The following ARHGAP35 variants were observed in gnomAD, a reference collection of about 807,000 sequenced individuals.
The protein encoded by ARHGAP35 is Rho GTPase activating protein 35, also known as rho GTPase-activating protein 35.
ARHGAP35 carries 15 observed loss-of-function variants against 111.1 expected under a neutral mutation model. The observed-to-expected ratio is 0.13, with a 90% CI of 0.09 to 0.21. ARHGAP35 has a LOEUF of 0.21. Ranked by LOEUF, ARHGAP35 falls within the 10% of genes least tolerant of loss-of-function variation. The pLI, the probability that ARHGAP35 is intolerant of heterozygous loss-of-function variation, is 1.00. For synonymous variants in ARHGAP35, 643 were observed against 710.3 expected (o/e 0.91, Z 1.51); for missense variants, 1,262 against 1,873.0 (o/e 0.67, Z 6.02).
intron 3 of ARHGAP35, among the ~76,000 whole-genome samples, chr19:46,978,896 G>GGTGTGTGTGGTGGGGT (rs1389982586): frequency 8.5e-6 from 1 of 117,992 alleles, no homozygotes; most frequent in African/African-American, 3.2e-5. Flanking sequence ...GTGGTGTGGG[G>GGTGTGTGTGGTGGGGT]GTGTGTGTGG....
rs367587187 is a variant in ARHGAP35 at position 46,919,200 on chromosome 19, T to C, written c.525T>C (p.Asp175=). 59 of 1,613,850 alleles carry C rather than the reference T, an allele frequency of 3.7e-5. No homozygotes were observed. The African/African-American group carries it at 6.5e-4, about 18-fold the overall frequency. Residue 175 remains aspartate (D), a synonymous_variant, in exon 2 of 7, where the codon GAT becomes GAC. Transcript: ENST00000672722. This position sits in a 1 kb window ranked among gnomAD's most constrained non-coding sequence, Gnocchi z 6.2. ...DVSRGMNRNF[D]DQLKFVSNLY... is the part of the protein sequence containing the mutation. ...GCAGGGGCATGAATAGGAACTTTGA[T>C]GACCAGCTCAAGTTTGTCTCCAATC...
In ARHGAP35 at chr19:46,918,787, T is replaced by A. The variant is rs370199472; in HGVS notation, c.112T>A (p.Leu38Met). The change falls in exon 2 of 7, where the codon TTG becomes ATG. Residue 38 changes from leucine to methionine, a missense_variant. Physicochemically the swap from Leu to Met is conservative, Grantham distance 15. Coordinates refer to ENST00000672722, the MANE Select transcript of ARHGAP35 (RefSeq NM_004491.5). The surrounding 1 kb of genome is among the most constrained non-coding windows in gnomAD (Gnocchi z 5.4). ...CCAGTGTGGGATTGGAAAGTCTTGT[T>A]TGTGCAACCGCTTCGTGCGCCCGAG... ...KGQCGIGKSCLCNRFVRPSAD... is the reference protein window; with the variant it reads ...KGQCGIGKSCMCNRFVRPSAD... The A allele has an allele frequency of 6.2e-7, 1 of 1,613,914 alleles. No individual in the cohort carries two copies. The highest frequency in any genetic ancestry group is 8.5e-7 in the Non-Finnish European group (1 of 1,179,898).
Position 46,986,821 on chromosome 19 carries a change from TTTTATTTA to T in ARHGAP35, c.3827-1152_3827-1145del, listed in dbSNP as rs796813658. Among the ~76,000 whole-genome samples the T allele has an allele frequency of 6.6e-6, 1 of 152,206 alleles. No individual in the cohort carries two copies. The highest frequency in any genetic ancestry group is 2.4e-5 in the African/African-American group (1 of 41,446). ...TCAAAAAAACATACTTGTGAGTTAA[TTTTATTTA>T]TTTATTTATTTATTTTCAGACAGAG... On this transcript the variant is annotated intron_variant, in intron 3 of 6. Coordinates refer to ENST00000672722, the MANE Select transcript of ARHGAP35 (RefSeq NM_004491.5). The surrounding 1 kb of genome is among the most constrained non-coding windows in gnomAD (Gnocchi z 4.3).
chr19:46,965,142 G>T (rs1469906136), intron 3 of ARHGAP35, among the ~76,000 whole-genome samples: 1 of 152,034 alleles, frequency 6.6e-6, no homozygotes, highest in South Asian at 2.1e-4. Context: ...GTGAAACCCC[G>T]TCTCTACTAA....
At chr19:46,917,039 A>G (rs1312273908) in intron 1 of ARHGAP35, among the ~76,000 whole-genome samples, 3 of 152,056 alleles carry the variant, frequency 2.0e-5, no homozygotes, top group Admixed American at 1.3e-4. Flanking sequence ...TTAACTATAC[A>G]GTTCAGCGAT....
intron 1 of ARHGAP35, among the ~76,000 whole-genome samples, chr19:46,897,531 T>TA (rs1405993178): frequency 6.6e-6 from 1 of 151,978 alleles, no homozygotes. Context: ...AGTTAAGACT[T>TA]AGAGATTTGT....
intron 3 of ARHGAP35, among the ~76,000 whole-genome samples, chr19:46,975,437 CAG>C (rs947982894): frequency 5.9e-5 from 9 of 152,106 alleles, no homozygotes; most frequent in African/African-American, 2.2e-4. Flanking sequence ...GCTGGGAGCT[CAG>C]GGGCCAGTGT....
intron 1 of ARHGAP35, among the ~76,000 whole-genome samples, chr19:46,865,942 G>A (rs1410014166): frequency 6.6e-6 from 1 of 152,164 alleles, no homozygotes; most frequent in Non-Finnish European, 1.5e-5. Flanking sequence ...CTGGGTTCAA[G>A]CGATTCTTCT....
chr19:46,937,434 T>G, intron 3 of ARHGAP35, 26 bp downstream of exon 3: 1 of 1,612,208 alleles, frequency 6.2e-7, no homozygotes, highest in Non-Finnish European at 8.5e-7. Context: ...CATAGCAGTT[T>G]ATAACTTTCA....
chr19:46,962,275 TG>T (rs1228525718), intron 3 of ARHGAP35, among the ~76,000 whole-genome samples: 3 of 152,240 alleles, frequency 2.0e-5, no homozygotes, highest in Non-Finnish European at 1.5e-5. Flanking sequence ...GATTCCCCAC[TG>T]TCTTGCCATA....
chr19:46,877,571 A>C (rs550262718), intron 1 of ARHGAP35, among the ~76,000 whole-genome samples: 11 of 150,510 alleles, frequency 7.3e-5, no homozygotes, highest in African/African-American at 2.8e-4. Context: ...GTCTCAAAAA[A>C]TAACAATAAA....
At chr19:46,964,002 G>C (rs2056499481) in intron 3 of ARHGAP35, among the ~76,000 whole-genome samples, 1 of 151,838 alleles carries the variant, frequency 6.6e-6, no homozygotes, top group Non-Finnish European at 1.5e-5. Context: ...CGAGTAGCTG[G>C]GATTACAGGT....
chr19:46,901,694 T>C lies in ARHGAP35; in HGVS notation c.-188-16794T>C, dbSNP rs1449378200. Among the ~76,000 whole-genome samples the C allele has an allele frequency of 6.6e-6, 1 of 152,218 alleles. No individual in the cohort carries two copies. The highest frequency in any genetic ancestry group is 2.4e-5 in the African/African-American group (1 of 41,464). ...ATTCCCTGGCAGCAGATACGTTGGC[T>C]TTCTCAGCTGTTGAATTTGAGTGCC... is the stretch of plus-strand genomic sequence containing the variant. On this transcript the variant is annotated intron_variant, in intron 1 of 6. Coordinates refer to ENST00000672722, the MANE Select transcript of ARHGAP35 (RefSeq NM_004491.5). The surrounding 1 kb of genome is among the most constrained non-coding windows in gnomAD (Gnocchi z 4.5).
In ARHGAP35 at chr19:46,988,172, A is replaced by G; in HGVS notation, c.3904+106A>G. 9.5e-7 allele frequency: 1 copy of G among 1,056,066 alleles called. No homozygotes were observed. The highest frequency in any genetic ancestry group is 2.6e-5 in the East Asian group (1 of 38,366). The allele number at this position is 1,056,066 out of a possible 1,614,324, so 65.4% of individuals were successfully genotyped here. A position where few individuals can be genotyped will look rare whatever the true frequency, so the allele number is the denominator to read the frequency against. On this transcript the variant is annotated intron_variant, in intron 4 of 6. Transcript: ENST00000672722. The surrounding 1 kb of genome is among the most constrained non-coding windows in gnomAD (Gnocchi z 5.4). ...CTTCGGAGCACTCCTGCCAGCACAG[A>G]CCCAAAGCCACGAGGTGCTGAGACT...
chr19:46,913,427 T>C (rs2056148343), intron 1 of ARHGAP35, among the ~76,000 whole-genome samples: 1 of 152,006 alleles, frequency 6.6e-6, no homozygotes, highest in Admixed American at 6.6e-5. Flanking sequence ...TGTTACCACT[T>C]CTTGCCCTGA....
rs1001389370 is a variant in ARHGAP35, at chr19:46,918,007, C to G, written c.-188-481C>G. Among the ~76,000 whole-genome samples the G allele has an allele frequency of 1.4e-4, 22 of 152,344 alleles. No individual in the cohort carries two copies. The highest frequency in any genetic ancestry group is 4.8e-4 in the African/African-American group (20 of 41,590). On this transcript the variant is annotated intron_variant, in intron 1 of 6. Transcript: ENST00000672722. The surrounding 1 kb of genome is among the most constrained non-coding windows in gnomAD (Gnocchi z 5.4). ...GGGATTACAGGCGTAAGCTACCACG[C>G]CCGGCCCAGGTTCCTGTTTTTGCAG...
chr19:46,989,471 T>C lies in ARHGAP35; in HGVS notation c.3905-73T>C, dbSNP rs545706443. 3 of 1,588,758 alleles carry C rather than the reference T, an allele frequency of 1.9e-6. No homozygotes were observed. The highest frequency in any genetic ancestry group is 2.7e-5 in the African/African-American group (2 of 74,278). ...TCCTTGAGGTTTCTCTAGCCTCTCC[T>C]GAGCCCCGAGTTGTCCTGATGCTTC... On this transcript the variant is annotated intron_variant, in intron 4 of 6. Coordinates refer to ENST00000672722, the MANE Select transcript of ARHGAP35 (RefSeq NM_004491.5). This position sits in a 1 kb window ranked among gnomAD's most constrained non-coding sequence, Gnocchi z 5.3.
intron 2 of ARHGAP35, among the ~76,000 whole-genome samples, chr19:46,935,290 A>G (rs903994463): frequency 1.3e-5 from 2 of 152,132 alleles, no homozygotes; most frequent in African/African-American, 4.8e-5. Context: ...AGCATTCTCC[A>G]TATTGAGTCA....
chr19:46,967,439 C>T (rs1397277872), intron 3 of ARHGAP35, among the ~76,000 whole-genome samples: 2 of 152,154 alleles, frequency 1.3e-5, no homozygotes, highest in African/African-American at 2.4e-5. Context: ...ACCACCTAAG[C>T]GTGTTTTCAG....
Sources: gnomAD v4.1 joint callset for allele counts (sites outside exome capture counted in the v4.1 genomes callset) on GRCh38, gnomAD v4.1.1 for gene constraint, Gnocchi (gnomAD v3.1) non-coding constraint, MANE v1.5 for transcripts, NCBI Gene and HGNC (gene_info 2026-07-23, HGNC 2026-07-21) for gene names.